The following MKI67 variants were observed in gnomAD, a reference collection of about 807,000 sequenced individuals.
The protein encoded by MKI67 is proliferation marker protein Ki-67.
MKI67 carries 152 observed loss-of-function variants against 233.5 expected under a neutral mutation model. The observed-to-expected ratio is 0.65, with a 90% CI of 0.57 to 0.74. The LOEUF (loss-of-function observed/expected upper bound fraction) is 0.74, where lower values mean the gene tolerates loss of function less well. MKI67 is among the 30% of genes least tolerant of loss of function. MKI67 has a pLI of 0.00. For missense variants in MKI67, 3,940 were observed against 3,885.2 expected (o/e 1.01, Z -0.37); for synonymous variants, 1,465 against 1,418.5 (o/e 1.03, Z -0.74).
intron 2 of MKI67, among the ~76,000 whole-genome samples, chr10:128,123,695 A>C (rs1852997335): frequency 6.6e-6 from 1 of 152,250 alleles, no homozygotes; most frequent in Non-Finnish European, 1.5e-5. Flanking sequence ...TTTGCCTAGC[A>C]CATAGTAAAT....
Position 128,097,188 on chromosome 10 carries a change from G to C in MKI67, c.*2002C>G, listed in dbSNP as rs2071497. The C allele has an allele frequency of 0.14, 21,872 of 152,170 alleles. 1,606 individuals carry two copies. The highest frequency in any genetic ancestry group is 0.19 in the Admixed American group (2,918 of 15,292). The allele number at this position is 152,170 out of a possible 1,614,324, so 9.4% of individuals were successfully genotyped here. ...AAATTCACTTGGAAACTGAAGCTCA[G>C]AGAAGTTACCATACCATGGTGGAAA... is the stretch of plus-strand genomic sequence containing the variant. On this transcript the variant is annotated 3_prime_UTR_variant, in exon 15 of 15. Transcript: ENST00000368654.
chr10:128,099,894 G>A (rs899276575), intron 14 of MKI67, among the ~76,000 whole-genome samples: 8 of 152,274 alleles, frequency 5.3e-5, no homozygotes, highest in African/African-American at 1.7e-4. Context: ...GAACGCCCCC[G>A]GCAGAACACA....
Position 128,105,448 on chromosome 10 carries a change from A to G in MKI67, c.6392T>C (p.Val2131Ala), listed in dbSNP as rs200699650. The G allele has an allele frequency of 2.5e-6, 4 of 1,613,288 alleles. No homozygotes were observed. The highest frequency in any genetic ancestry group is 1.7e-5 in the Admixed American group (1 of 59,936). ...PKTPLGKRDIVEELSALKQLT... is the reference protein window; with the variant it reads ...PKTPLGKRDIAEELSALKQLT... ...CTGCTTCAGGGCTGAGAGCTCTTCC[A>G]CTATATCCCTTTTCCCCAAAGGTGT... is the stretch of plus-strand genomic sequence containing the variant. Residue 2131 changes from valine to alanine, a missense_variant, in exon 13 of 15, where the codon GTG becomes GCG. Val to Ala is a moderately conservative substitution (Grantham distance 64). Transcript: ENST00000368654.
chr10:128,121,425 C>T (rs1338787167), intron 4 of MKI67, among the ~76,000 whole-genome samples: 2 of 130,714 alleles, frequency 1.5e-5, no homozygotes, highest in African/African-American at 5.7e-5. Context: ...ATTATATATA[C>T]CATATAGTAT....
In MKI67 at chr10:128,105,250, A is replaced by G. The variant is rs200426884; in HGVS notation, c.6590T>C (p.Leu2197Ser). The change falls in exon 13 of 15, where the codon TTG becomes TCG. Residue 2197 changes from leucine to serine, a missense_variant. By Grantham distance (145) the Leu-to-Ser change is moderately radical. Coordinates refer to ENST00000368654, the MANE Select transcript of MKI67 (RefSeq NM_002417.5). ...KAQPLEDLAG[L>S]KELFQTPICT... is the part of the protein sequence containing the mutation. ...TATTGGTGTCTGGAAGAGCTCTTTC[A>G]AGCCAGCCAAGTCTTCTAGGGGTTG... The G allele has an allele frequency of 1.3e-4, 215 of 1,613,914 alleles. No homozygotes were observed. The highest frequency in any genetic ancestry group is 8.2e-4 in the Middle Eastern group (5 of 6,084).
intron 12 of MKI67, among the ~76,000 whole-genome samples, chr10:128,109,958 C>A (rs1852633366): frequency 6.6e-6 from 1 of 152,142 alleles, no homozygotes; most frequent in South Asian, 2.1e-4. Flanking sequence ...TCACACTTAC[C>A]CCGGGCCTGC....
In MKI67 at chr10:128,107,213, G is replaced by C. The variant is rs1471137648; in HGVS notation, c.4627C>G (p.Pro1543Ala). Reference sequence around the variant, plus strand: ...ATGTTTTTCTCACCACTTACTGCTGGTTTGGGTGTGTGCATGGCTTTGCCT... The same window carrying C: ...ATGTTTTTCTCACCACTTACTGCTGCTTTGGGTGTGTGCATGGCTTTGCCT... ...SAGKAMHTPK[P>A]AVSGEKNIYA... is the part of the protein sequence containing the mutation. Residue 1543 changes from proline to alanine, a missense_variant, in exon 13 of 15, where the codon CCA becomes GCA. Pro to Ala is a conservative substitution (Grantham distance 27). Transcript: ENST00000368654. 1 of 1,614,092 alleles carries C rather than the reference G, an allele frequency of 6.2e-7. No homozygotes were observed. The highest frequency in any genetic ancestry group is 2.2e-5 in the East Asian group (1 of 44,870).
At position 128,108,439 on chromosome 10, in the gene MKI67, G is replaced by T. The variant is rs1852579162; in HGVS notation, c.3401C>A (p.Pro1134Gln). The T allele has an allele frequency of 1.9e-6, 3 of 1,614,056 alleles. No homozygotes were observed. The highest frequency in any genetic ancestry group is 2.5e-6 in the Non-Finnish European group (3 of 1,180,016). ...GCTTGTTGGAGTGTCCACTGATTCTGGTGGTGGAGATTTGCAGGCTATTTT... is the reference window on the plus strand; with the variant it reads ...GCTTGTTGGAGTGTCCACTGATTCTTGTGGTGGAGATTTGCAGGCTATTTT... ...TTKIACKSPP[P>Q]ESVDTPTSTK... The change falls in exon 13 of 15, where the codon CCA becomes CAA. Residue 1134 changes from proline (P) to glutamine (Q), a missense_variant. Coordinates refer to ENST00000368654, the MANE Select transcript of MKI67 (RefSeq NM_002417.5).
chr10:128,119,492 C>T (rs1852885583), intron 4 of MKI67, among the ~76,000 whole-genome samples, 173 bp from the exon 5 acceptor site: 1 of 152,206 alleles, frequency 6.6e-6, no homozygotes, highest in Non-Finnish European at 1.5e-5. Context: ...ACACTAAAAA[C>T]TAGGATTAGT....
Position 128,112,370 on chromosome 10 carries a change from T to C in MKI67, c.1732A>G (p.Ile578Val), listed in dbSNP as rs1852699973. 3 of 1,614,208 alleles carry C rather than the reference T, an allele frequency of 1.9e-6. No individual in the cohort carries two copies. Among genetic ancestry groups the C allele is most frequent in the Non-Finnish European group, 2.5e-6 (3 of 1,180,020 alleles). Residue 578 changes from isoleucine (I) to valine (V), a missense_variant, in exon 9 of 15, where the codon ATA becomes GTA. Physicochemically the swap from Ile to Val is conservative, Grantham distance 29. Coordinates refer to ENST00000368654, the MANE Select transcript of MKI67 (RefSeq NM_002417.5). ...HVEVKAQSLV[I>V]SPPAPSPRKT... ...CTAGGACTAGGAGCTGGAGGGCTTATAACCAAGCTTTGTGCCTTCACTTCC... is the reference window on the plus strand; with the variant it reads ...CTAGGACTAGGAGCTGGAGGGCTTACAACCAAGCTTTGTGCCTTCACTTCC...
Position 128,125,802 on chromosome 10 carries a change from G to A in MKI67, c.-89-46C>T, listed in dbSNP as rs1362621871. ...ACTCTGATAGCAAAGGAGCTAAGAA[G>A]GGCCCCGTGCCCAATTCACCTATCC... On this transcript the variant is annotated intron_variant, in intron 1 of 14. Coordinates refer to ENST00000368654, the MANE Select transcript of MKI67 (RefSeq NM_002417.5). The surrounding 1 kb of genome is among the most constrained non-coding windows in gnomAD (Gnocchi z 5.3). 5 of 767,746 alleles carry A rather than the reference G, an allele frequency of 6.5e-6. No homozygotes were observed. The highest frequency in any genetic ancestry group is 5.3e-5 in the East Asian group (2 of 37,402). The allele number at this position is 767,746 out of a possible 1,614,324, so 47.6% of individuals were successfully genotyped here.
intron 13 of MKI67, among the ~76,000 whole-genome samples, chr10:128,101,953 C>A (rs553053678): frequency 1.3e-5 from 2 of 152,176 alleles, no homozygotes; most frequent in Admixed American, 1.3e-4. Flanking sequence ...AATAACAATG[C>A]CTAATAAGAT....
At position 128,104,517 on chromosome 10, in the gene MKI67, T is replaced by C. The variant is rs1194692843; in HGVS notation, c.7323A>G (p.Lys2441=). Residue 2441 remains lysine, a synonymous_variant, in exon 13 of 15, where the codon AAA becomes AAG. Coordinates refer to ENST00000368654, the MANE Select transcript of MKI67 (RefSeq NM_002417.5). ...AEALEDLVGF[K]ELFQTPGHTE... ...TGTGACCTGGTGTCTGGAAGAGTTC[T>C]TTGAAGCCAACCAGGTCCTCTAGAG... is the stretch of plus-strand genomic sequence containing the variant. The C allele has an allele frequency of 6.2e-7, 1 of 1,614,228 alleles. No individual in the cohort carries two copies.
intron 11 of MKI67, chr10:128,111,382 C>G: frequency 2.8e-6 from 1 of 361,530 alleles, no homozygotes; most frequent in Non-Finnish European, 4.9e-6. Context: ...TATGTATACG[C>G]TGCTCTCCAG....
At position 128,125,546 on chromosome 10, in the gene MKI67, A is replaced by G; in HGVS notation, c.92+30T>C. ...TAAGGTATTTTCCTCTTTCTCAGCT[A>G]AAACGTCCGCGCGCGCCCGCGGGGC... On this transcript the variant is annotated intron_variant, in intron 2 of 14. Transcript: ENST00000368654. This position sits in a 1 kb window ranked among gnomAD's most constrained non-coding sequence, Gnocchi z 5.3. The G allele has an allele frequency of 2.5e-6, 4 of 1,584,522 alleles. No homozygotes were observed. The highest frequency in any genetic ancestry group is 3.5e-6 in the Non-Finnish European group (4 of 1,154,566).
At position 128,126,197 on chromosome 10, in the gene MKI67, G is replaced by T. The variant is rs1468705056; in HGVS notation, c.-188C>A. The T allele has an allele frequency of 1.3e-5, 2 of 157,818 alleles. No individual in the cohort carries two copies. The highest frequency in any genetic ancestry group is 2.8e-5 in the Non-Finnish European group (2 of 71,966). 9.8% of individuals were successfully genotyped at this position (157,818 alleles called of 1,614,324 possible). Reference sequence around the variant, plus strand: ...AGGAGCCGGCGCCGCGCTCACCTCCGCCCGGTAAGCTGCGCCCGCCACGCT... The same window carrying T: ...AGGAGCCGGCGCCGCGCTCACCTCCTCCCGGTAAGCTGCGCCCGCCACGCT... On this transcript the variant is annotated 5_prime_UTR_variant, in exon 1 of 15. Transcript: ENST00000368654.
chr10:128,109,499 A>G, intron 12 of MKI67, 76 bp from the exon 13 acceptor site: 1 of 1,479,678 alleles, frequency 6.8e-7, no homozygotes, highest in Non-Finnish European at 9.0e-7. Context: ...CTCATAAAAT[A>G]TGGTAAAAAA....
At chr10:128,120,170 TTCAGCCCTCCAATAAACA>T (rs1852902846) in intron 4 of MKI67, among the ~76,000 whole-genome samples, 1 of 152,168 alleles carries the variant, frequency 6.6e-6, no homozygotes, top group Non-Finnish European at 1.5e-5. Flanking sequence ...TGAAAAATAG[TTCAGCCCTCCAATAAACA>T]TCAAAAGCTT....
At chr10:128,101,906 C>A (rs947701522) in intron 13 of MKI67, among the ~76,000 whole-genome samples, 3 of 152,116 alleles carry the variant, frequency 2.0e-5, no homozygotes, top group Non-Finnish European at 4.4e-5. Context: ...ACTGTCTCTG[C>A]TGACAAATTA....
Sources: allele counts gnomAD v4.1 joint callset (sites outside exome capture counted in the v4.1 genomes callset), GRCh38; gene constraint gnomAD v4.1.1; non-coding constraint Gnocchi (gnomAD v3.1); transcripts MANE v1.5; gene names NCBI Gene and HGNC (gene_info 2026-07-23, HGNC 2026-07-21).